The following HS3ST3A1 variants were observed in gnomAD, a reference collection of about 807,000 sequenced individuals.
HS3ST3A1 encodes heparan sulfate-glucosamine 3-sulfotransferase 3A1.
Under a neutral mutation model 25.7 loss-of-function variants are expected in HS3ST3A1, and 19 were observed. The ratio of observed to expected loss-of-function variants is 0.74; its 90% CI spans 0.52 to 1.08. The LOEUF (loss-of-function observed/expected upper bound fraction) is 1.08. HS3ST3A1 is among the 50% of genes least tolerant of loss of function. HS3ST3A1 has a pLI of 0.00. For synonymous variants in HS3ST3A1, 226 were observed against 278.6 expected (o/e 0.81, Z 1.88); for missense variants, 459 against 594.3 (o/e 0.77, Z 2.37).
intron 1 of HS3ST3A1, among the ~76,000 whole-genome samples, chr17:13,535,603 T>C (rs569109870): frequency 6.6e-6 from 1 of 152,260 alleles, no homozygotes; most frequent in East Asian, 1.9e-4. Context: ...GTAGGCAAAT[T>C]TGCAGACACA....
chr17:13,537,496 A>G (rs1429742698), intron 1 of HS3ST3A1, among the ~76,000 whole-genome samples: 2 of 152,144 alleles, frequency 1.3e-5, no homozygotes, highest in Non-Finnish European at 2.9e-5. Flanking sequence ...GAATAAATCA[A>G]CGTGAAGCTC....
intron 1 of HS3ST3A1, among the ~76,000 whole-genome samples, chr17:13,559,091 T>C (rs1311374865): frequency 6.6e-6 from 1 of 152,220 alleles, no homozygotes; most frequent in Non-Finnish European, 1.5e-5. Flanking sequence ...ATTGTAACAA[T>C]TATGTAAAAC....
rs191487383 is a variant in HS3ST3A1 at position 13,494,690 on chromosome 17, G to A, written c.*1507C>T. ...TAATTATAAATGTTTTATATATTTC[G>A]TGCATATGTGTTCCTCTCTAAACCA... is the stretch of plus-strand genomic sequence containing the variant. On this transcript the variant is annotated 3_prime_UTR_variant, in exon 2 of 2. Transcript: ENST00000284110. Among the ~76,000 whole-genome samples the A allele has an allele frequency of 6.0e-4, 91 of 152,078 alleles. No homozygotes were observed. The highest frequency in any genetic ancestry group is 9.6e-4 in the Non-Finnish European group (65 of 67,986).
At chr17:13,504,545 C>T (rs1456201838) in intron 1 of HS3ST3A1, among the ~76,000 whole-genome samples, 4 of 152,030 alleles carry the variant, frequency 2.6e-5, no homozygotes, top group Non-Finnish European at 5.9e-5. Context: ...ATTCATGACC[C>T]GGGTGCTGGC....
intron 1 of HS3ST3A1, among the ~76,000 whole-genome samples, chr17:13,581,489 A>C (rs550740163): frequency 6.6e-6 from 1 of 152,056 alleles, no homozygotes; most frequent in African/African-American, 2.4e-5. Flanking sequence ...AAAAACGTAG[A>C]AACTTCCTAA....
chr17:13,550,155 ATTTTG>A (rs1033089818), intron 1 of HS3ST3A1, among the ~76,000 whole-genome samples: 5 of 152,186 alleles, frequency 3.3e-5, no homozygotes, highest in Admixed American at 6.5e-5. Flanking sequence ...AGTAGTAATC[ATTTTG>A]TTTTGTTTTG....
intron 1 of HS3ST3A1, among the ~76,000 whole-genome samples, chr17:13,497,991 T>C (rs1437789945): frequency 6.6e-6 from 1 of 152,220 alleles, no homozygotes; most frequent in Non-Finnish European, 1.5e-5. Context: ...CTGGGCTAAC[T>C]ATATTTTGTG....
intron 1 of HS3ST3A1, among the ~76,000 whole-genome samples, chr17:13,557,422 G>T (rs912688183): frequency 1.3e-5 from 2 of 150,850 alleles, no homozygotes; most frequent in African/African-American, 4.9e-5. Context: ...GACAACAAAG[G>T]CACCTTTCAG....
chr17:13,545,292 G>A (rs1907054388), intron 1 of HS3ST3A1, among the ~76,000 whole-genome samples: 1 of 152,192 alleles, frequency 6.6e-6, no homozygotes, highest in Non-Finnish European at 1.5e-5. Flanking sequence ...AGTAATGAAA[G>A]CAGTGTGAGA....
In HS3ST3A1 at chr17:13,494,613, A is replaced by C. The variant is rs1247195537; in HGVS notation, c.*1584T>G. Among the ~76,000 whole-genome samples the C allele has an allele frequency of 6.6e-6, 1 of 152,214 alleles. No homozygotes were observed. The highest frequency in any genetic ancestry group is 1.5e-5 in the Non-Finnish European group (1 of 68,040). ...GATAAAGAAAACTTCCATGAAATAG[A>C]AGACATTTTTCCTCTTGGGTTTAAA... On this transcript the variant is annotated 3_prime_UTR_variant, in exon 2 of 2. Coordinates refer to ENST00000284110, the MANE Select transcript of HS3ST3A1 (RefSeq NM_006042.3).
intron 1 of HS3ST3A1, among the ~76,000 whole-genome samples, chr17:13,527,214 T>G (rs1309065729): frequency 6.6e-6 from 1 of 152,130 alleles, no homozygotes; most frequent in Non-Finnish European, 1.5e-5. Flanking sequence ...CTGATTTTTT[T>G]TCTCTCTTGC....
chr17:13,590,023 GA>G (rs1231975361), intron 1 of HS3ST3A1, among the ~76,000 whole-genome samples: 1 of 152,124 alleles, frequency 6.6e-6, no homozygotes, highest in Non-Finnish European at 1.5e-5. Context: ...TGAAAAAAGG[GA>G]AAGAAATTTT....
intron 1 of HS3ST3A1, among the ~76,000 whole-genome samples, chr17:13,535,211 T>C (rs1906735345): frequency 6.6e-6 from 1 of 152,214 alleles, no homozygotes; most frequent in Admixed American, 6.5e-5. Flanking sequence ...ATATAGTTGA[T>C]GCATTAACAC....
chr17:13,525,144 C>A (rs1427316506), intron 1 of HS3ST3A1, among the ~76,000 whole-genome samples: 1 of 152,068 alleles, frequency 6.6e-6, no homozygotes, highest in Non-Finnish European at 1.5e-5. Flanking sequence ...CATTTTTAAA[C>A]TTATTTCATA....
intron 1 of HS3ST3A1, among the ~76,000 whole-genome samples, chr17:13,558,639 T>C (rs1265886506): frequency 6.6e-6 from 1 of 152,234 alleles, no homozygotes; most frequent in Admixed American, 6.5e-5. Context: ...TCTATCTATC[T>C]GTAGCTATGT....
intron 1 of HS3ST3A1, among the ~76,000 whole-genome samples, chr17:13,503,930 C>G (rs1567608730): frequency 1.3e-5 from 2 of 152,322 alleles, no homozygotes; most frequent in South Asian, 4.1e-4. Context: ...TCCTAATAGT[C>G]CCCAATTCAA....
At position 13,549,449 on chromosome 17, in the gene HS3ST3A1, C is replaced by T. The variant is rs574556073; in HGVS notation, c.599+51082G>A. 1.1e-4 allele frequency among the ~76,000 whole-genome samples: 16 copies of T among 152,342 alleles called. No individual in the cohort carries two copies. The East Asian group carries it at 3.1e-3, about 29-fold the overall frequency. On this transcript the variant is annotated intron_variant, in intron 1 of 1. Transcript: ENST00000284110. ...ACAATGTCATCTACCCACAAAGGCT[C>T]ATAGTTGTTATTGCATTGCACTGCT...
chr17:13,574,741 T>TATAC (rs1555542155), intron 1 of HS3ST3A1, among the ~76,000 whole-genome samples: 1 of 81,550 alleles, frequency 1.2e-5, no homozygotes, highest in African/African-American at 5.5e-5. Context: ...ACAAAACAAA[T>TATAC]ACACACACAC....
intron 1 of HS3ST3A1, among the ~76,000 whole-genome samples, chr17:13,518,118 G>A (rs1906113032): frequency 6.6e-6 from 1 of 152,112 alleles, no homozygotes; most frequent in South Asian, 2.1e-4. Flanking sequence ...GGTGAGGTAG[G>A]AAGGATCCTA....
Sources: allele counts gnomAD v4.1 joint callset (sites outside exome capture counted in the v4.1 genomes callset), GRCh38; gene constraint gnomAD v4.1.1; transcripts MANE v1.5; gene names NCBI Gene and HGNC (gene_info 2026-07-23, HGNC 2026-07-21).